Variants in MELK observed in about 807,000 individuals in gnomAD.
MELK encodes the protein pEg3 kinase.
In MELK, 81 loss-of-function variants were observed where a neutral mutation model predicts 85.0. The ratio of observed to expected loss-of-function variants is 0.95; its 90% CI spans 0.80 to 1.15. The LOEUF (loss-of-function observed/expected upper bound fraction) is 1.15, where lower values mean the gene tolerates loss of function less well. MELK is among the 50% of genes most tolerant of loss of function. The pLI is 0.00. For synonymous variants in MELK, 252 were observed against 265.0 expected (o/e 0.95, Z 0.48); for missense variants, 754 against 777.5 (o/e 0.97, Z 0.36).
intron 8 of MELK, among the ~76,000 whole-genome samples, chr9:36,612,843 T>A (rs900749172): frequency 6.6e-6 from 1 of 152,218 alleles, no homozygotes; most frequent in African/African-American, 2.4e-5. Flanking sequence ...AGCTTGACAA[T>A]TTTTTTGTGG....
rs1379918110 is a variant in MELK at position 36,665,356 on chromosome 9, A to G, written c.1183A>G (p.Lys395Glu). The change falls in exon 14 of 18, where the codon AAG (lysine) becomes GAG (glutamate). Residue 395 changes from lysine to glutamate, a missense_variant. Transcript: ENST00000298048. ...AGTAACTTTTTTTTTCCAGTTTACC[A>G]AGTACTGGACAGAATCAAATGGGGT... ...AATPRTSQFT[K>E]YWTESNGVES... is the part of the protein sequence containing the mutation. 35 of 1,597,290 alleles carry G rather than the reference A, an allele frequency of 2.2e-5. No individual in the cohort carries two copies. Among genetic ancestry groups the G allele is most frequent in the Non-Finnish European group, 3.0e-5 (35 of 1,171,910 alleles).
At chr9:36,614,940 A>G (rs1036124623) in intron 8 of MELK, among the ~76,000 whole-genome samples, 8 of 147,798 alleles carry the variant, frequency 5.4e-5, no homozygotes, top group East Asian at 2.0e-4. Context: ...CCCGTTCTCA[A>G]TGAGCTGTTG....
intron 8 of MELK, among the ~76,000 whole-genome samples, chr9:36,627,793 C>T (rs1276169634): frequency 6.6e-6 from 1 of 151,952 alleles, no homozygotes; most frequent in African/African-American, 2.4e-5. Flanking sequence ...TCCCAAAGTG[C>T]TGGGATTACA....
At chr9:36,642,140 G>T (rs1380154220) in intron 10 of MELK, among the ~76,000 whole-genome samples, 5 of 152,106 alleles carry the variant, frequency 3.3e-5, no homozygotes, top group African/African-American at 1.2e-4. Flanking sequence ...AATGAATTTT[G>T]TATAGAGGCT....
intron 11 of MELK, 85 bp from the exon 12 acceptor site, chr9:36,651,661 A>T: frequency 6.7e-7 from 1 of 1,498,726 alleles, no homozygotes; most frequent in South Asian, 1.3e-5. Flanking sequence ...TGAATGTTAC[A>T]CTGAAGAAAA....
At chr9:36,586,523 A>AT (rs1464594028) in intron 3 of MELK, among the ~76,000 whole-genome samples, 2 of 152,152 alleles carry the variant, frequency 1.3e-5, no homozygotes, top group Non-Finnish European at 2.9e-5. Flanking sequence ...GTTTTATTCA[A>AT]TTTTTTGTTT....
intron 14 of MELK, among the ~76,000 whole-genome samples, chr9:36,665,782 T>C (rs948017484): frequency 1.3e-5 from 2 of 152,216 alleles, no homozygotes; most frequent in African/African-American, 2.4e-5. Flanking sequence ...TACCAAGTTT[T>C]TCCTCTTTTT....
rs149264786 is a variant in MELK, at chr9:36,624,132, G to T, written c.667-6167G>T. Among the ~76,000 whole-genome samples, 44 of 146,604 alleles carry T rather than the reference G, an allele frequency of 3.0e-4. 1 individual carries two copies. The East Asian group carries it at 8.5e-3, about 28-fold the overall frequency. On this transcript the variant is annotated intron_variant, in intron 8 of 17. Coordinates refer to ENST00000298048, the MANE Select transcript of MELK (RefSeq NM_014791.4). ...GGAGTCTCGCTCTGTCGCCCAGGCT[G>T]GAGTGCAGTGGCGTGATCTCGGCTC... is the stretch of plus-strand genomic sequence containing the variant.
At chr9:36,618,387 TGACA>T (rs1827061718) in intron 8 of MELK, among the ~76,000 whole-genome samples, 1 of 140,346 alleles carries the variant, frequency 7.1e-6, no homozygotes, top group Non-Finnish European at 1.5e-5. Flanking sequence ...CCAGCCTGGG[TGACA>T]GACAGAGGCT....
At chr9:36,601,231 T>C (rs1181422435) in intron 7 of MELK, among the ~76,000 whole-genome samples, 2 of 152,190 alleles carry the variant, frequency 1.3e-5, no homozygotes, top group Admixed American at 1.3e-4. Flanking sequence ...TATAGTTTTA[T>C]TTTCCCCCCA....
At chr9:36,665,636 G>C (rs1451760145) in intron 14 of MELK, 55 bp downstream of exon 14, 1 of 1,377,152 alleles carries the variant, frequency 7.3e-7, no homozygotes, top group African/African-American at 1.5e-5. Context: ...ACCATGTTAA[G>C]TAAACATATA....
chr9:36,660,183 G>A (rs1386317242), intron 13 of MELK, among the ~76,000 whole-genome samples: 1 of 152,122 alleles, frequency 6.6e-6, no homozygotes, highest in Non-Finnish European at 1.5e-5. Flanking sequence ...AGATACCCTG[G>A]TATATTTTGG....
intron 8 of MELK, among the ~76,000 whole-genome samples, chr9:36,609,051 G>A (rs529064338): frequency 2.0e-5 from 3 of 152,206 alleles, no homozygotes; most frequent in African/African-American, 7.2e-5. Flanking sequence ...AACCACAATT[G>A]AGATCACCTA....
chr9:36,669,972 A>G (rs1832744804), intron 15 of MELK, among the ~76,000 whole-genome samples: 2 of 152,216 alleles, frequency 1.3e-5, no homozygotes, highest in African/African-American at 4.8e-5. Context: ...CAGGAATAAA[A>G]TGATTTATCA....
chr9:36,578,590 T>C (rs764509724), intron 1 of MELK, among the ~76,000 whole-genome samples: 14 of 152,316 alleles, frequency 9.2e-5, no homozygotes, highest in Middle Eastern at 3.4e-3. Context: ...GAGGATGTCA[T>C]TGAAGACAAT....
chr9:36,642,156 T>C (rs1829815328), intron 10 of MELK, among the ~76,000 whole-genome samples: 1 of 152,190 alleles, frequency 6.6e-6, no homozygotes, highest in African/African-American at 2.4e-5. Flanking sequence ...AGGCTCTTAC[T>C]TATATTCTTT....
At chr9:36,576,440 C>T (rs1034889595) in intron 1 of MELK, among the ~76,000 whole-genome samples, 3 of 152,086 alleles carry the variant, frequency 2.0e-5, no homozygotes, top group Admixed American at 2.0e-4. Flanking sequence ...AAGACTGAAC[C>T]TTGTTTTTTA....
chr9:36,593,908 C>G (rs903946963), intron 4 of MELK, among the ~76,000 whole-genome samples: 5 of 152,126 alleles, frequency 3.3e-5, no homozygotes, highest in Non-Finnish European at 7.4e-5. Context: ...TCTCGAACTC[C>G]TGATCCACCC....
At chr9:36,619,959 C>T (rs936442048) in intron 8 of MELK, among the ~76,000 whole-genome samples, 3 of 152,170 alleles carry the variant, frequency 2.0e-5, no homozygotes, top group Admixed American at 2.0e-4. Flanking sequence ...CCTTTTGTCA[C>T]AAAAGTAATA....
Sources: allele counts gnomAD v4.1 joint callset (sites outside exome capture counted in the v4.1 genomes callset), GRCh38; gene constraint gnomAD v4.1.1; transcripts MANE v1.5; gene names NCBI Gene and HGNC (gene_info 2026-07-23, HGNC 2026-07-21).